The following DYM variants were observed in gnomAD, a reference collection of about 807,000 sequenced individuals.
The protein encoded by DYM is dymeclin, also known as dyggve-Melchior-Clausen syndrome protein.
DYM carries 78 observed loss-of-function variants against 93.1 expected under a neutral mutation model. The observed-to-expected ratio is 0.84, with a 90% confidence interval of 0.70 to 1.01. The LOEUF is 1.01. Ranked by LOEUF, DYM falls within the 50% of genes least tolerant of loss-of-function variation. DYM has a pLI of 0.00. For synonymous variants in DYM, 321 were observed against 319.7 expected (o/e 1.00, Z -0.04); for missense variants, 789 against 845.0 (o/e 0.93, Z 0.82).
rs2071086986 is a variant in DYM at position 49,043,548 on chromosome 18, T to C, written c.*507A>G. 6.4e-6 allele frequency: 1 copy of C among 155,740 alleles called. No homozygotes were observed. The highest frequency in any genetic ancestry group is 1.4e-5 in the Non-Finnish European group (1 of 70,260). 9.6% of individuals were successfully genotyped at this position (155,740 alleles called of 1,614,324 possible). On this transcript the variant is annotated 3_prime_UTR_variant, in exon 18 of 18. Transcript: ENST00000675505. ...GCAACCAAACACACACGACTTCATT[T>C]CTTTATTAATTCCTGCCTCATCATC...
chr18:49,152,182 T>A (rs976186379), intron 15 of DYM, among the ~76,000 whole-genome samples: 2 of 152,222 alleles, frequency 1.3e-5, no homozygotes, highest in East Asian at 1.9e-4. Context: ...ATAATTTTTT[T>A]AAAAGTCCTT....
chr18:49,141,277 C>T (rs1016920868), intron 15 of DYM, among the ~76,000 whole-genome samples: 1 of 152,176 alleles, frequency 6.6e-6, no homozygotes, highest in Admixed American at 6.5e-5. Flanking sequence ...CAACACTTAG[C>T]CCTTTAAGTC....
rs892742921 is a variant in DYM, at chr18:49,290,384, G to T, written c.764-3768C>A. ...TACATATTTAAAAAAAAAACAAGAA[G>T]GACAAAGTATACATCACACTGCAAA... On this transcript the variant is annotated intron_variant, in intron 8 of 17. Transcript: ENST00000675505. Among the ~76,000 whole-genome samples the T allele has an allele frequency of 3.3e-4, 50 of 151,566 alleles. 1 individual carries two copies. The highest frequency in any genetic ancestry group is 1.2e-3 in the African/African-American group (49 of 41,342).
At chr18:49,341,513 A>T (rs1433286861) in intron 6 of DYM, among the ~76,000 whole-genome samples, 18 of 150,848 alleles carry the variant, frequency 1.2e-4, no homozygotes, top group Admixed American at 8.6e-4. Flanking sequence ...AAAAAAAAAA[A>T]AAAATGATAA....
At chr18:49,318,802 T>TC (rs1053807405) in intron 8 of DYM, among the ~76,000 whole-genome samples, 5 of 134,330 alleles carry the variant, frequency 3.7e-5, no homozygotes, top group African/African-American at 1.2e-4. Flanking sequence ...TTTTTCTTTT[T>TC]TTTTTTTTTT....
chr18:49,125,115 C>T (rs1251514397), intron 15 of DYM, among the ~76,000 whole-genome samples: 3 of 152,062 alleles, frequency 2.0e-5, no homozygotes, highest in Non-Finnish European at 4.4e-5. Flanking sequence ...AAAAAAGTAG[C>T]TGGGTGTGGT....
intron 13 of DYM, among the ~76,000 whole-genome samples, chr18:49,233,971 T>C (rs1598807248): frequency 6.6e-6 from 1 of 151,362 alleles, no homozygotes; most frequent in South Asian, 2.1e-4. Flanking sequence ...CTAAAAAAAA[T>C]ACAAAAAATT....
chr18:49,127,318 T>C (rs1052924770), intron 15 of DYM, among the ~76,000 whole-genome samples: 1 of 152,198 alleles, frequency 6.6e-6, no homozygotes. Flanking sequence ...CTATGCGAAG[T>C]AGTAATTTCA....
At chr18:49,418,949 G>T (rs1321915555) in intron 2 of DYM, among the ~76,000 whole-genome samples, 1 of 151,964 alleles carries the variant, frequency 6.6e-6, no homozygotes, top group Non-Finnish European at 1.5e-5. Context: ...GGTGGGGGTG[G>T]GAAGAAACCT....
chr18:49,315,253 T>G (rs542446112), intron 8 of DYM, among the ~76,000 whole-genome samples: 1 of 152,070 alleles, frequency 6.6e-6, no homozygotes, highest in East Asian at 1.9e-4. Flanking sequence ...GCTTATTTCT[T>G]TAACCATTTA....
At chr18:49,259,730 G>A (rs780759026) in intron 11 of DYM, among the ~76,000 whole-genome samples, 27 of 152,192 alleles carry the variant, frequency 1.8e-4, no homozygotes, top group East Asian at 3.9e-4. Flanking sequence ...GAAATTATAC[G>A]GAAGATTTGT....
intron 13 of DYM, among the ~76,000 whole-genome samples, chr18:49,251,723 G>A (rs1301604582): frequency 6.6e-6 from 1 of 152,182 alleles, no homozygotes; most frequent in Non-Finnish European, 1.5e-5. Context: ...GCTGCATAGA[G>A]AAGGTAAAGA....
intron 17 of DYM, among the ~76,000 whole-genome samples, chr18:49,050,739 C>T (rs142974869): frequency 3.0e-4 from 46 of 152,106 alleles, no homozygotes; most frequent in African/African-American, 1.1e-3. Context: ...ACAAAAGTGG[C>T]CTCTCTCGGC....
rs1401528517 is a variant in DYM at position 49,037,917 on chromosome 18, T to C, written c.*6138A>G. 6.6e-6 allele frequency among the ~76,000 whole-genome samples: 1 copy of C among 152,208 alleles called. No homozygotes were observed. Among genetic ancestry groups the C allele is most frequent in the African/African-American group, 2.4e-5 (1 of 41,454 alleles). On this transcript the variant is annotated 3_prime_UTR_variant, in exon 18 of 18. Transcript: ENST00000675505. ...ATAGCTCACTGCAGCCTCGACCTCCTGGGCACAAGTGATTCTCCTGCCTCA... is the reference window on the plus strand; with the variant it reads ...ATAGCTCACTGCAGCCTCGACCTCCCGGGCACAAGTGATTCTCCTGCCTCA...
At chr18:49,218,810 T>A (rs2143936755) in intron 13 of DYM, among the ~76,000 whole-genome samples, 2 of 152,106 alleles carry the variant, frequency 1.3e-5, no homozygotes, top group East Asian at 3.9e-4. Flanking sequence ...GCAGGACAGA[T>A]CCAAAATTGA....
intron 2 of DYM, among the ~76,000 whole-genome samples, chr18:49,415,366 G>C (rs188260918): frequency 2.1e-5 from 3 of 145,156 alleles, no homozygotes; most frequent in Non-Finnish European, 4.5e-5. Context: ...AAAAATGAGA[G>C]AGAATTAAAA....
chr18:49,080,182 G>A (rs1251657299), intron 17 of DYM, among the ~76,000 whole-genome samples: 3 of 60,538 alleles, frequency 5.0e-5, no homozygotes, highest in African/African-American at 7.5e-5. Flanking sequence ...CCTCCCTCCC[G>A]GACGGGGCGT....
chr18:49,250,968 G>C (rs1278365570), intron 13 of DYM, among the ~76,000 whole-genome samples: 1 of 152,202 alleles, frequency 6.6e-6, no homozygotes, highest in East Asian at 1.9e-4. Context: ...TCTGCGTTGG[G>C]TAATGCTTTC....
chr18:49,248,320 C>T (rs1257545773), intron 13 of DYM, among the ~76,000 whole-genome samples: 1 of 152,128 alleles, frequency 6.6e-6, no homozygotes, highest in Non-Finnish European at 1.5e-5. Flanking sequence ...GAGACCAATA[C>T]ATTCTTTTGT....
Sources: gnomAD v4.1 joint callset for allele counts (sites outside exome capture counted in the v4.1 genomes callset) on GRCh38, gnomAD v4.1.1 for gene constraint, MANE v1.5 for transcripts, NCBI Gene and HGNC (gene_info 2026-07-23, HGNC 2026-07-21) for gene names.